The following ACIN1 variants were observed in gnomAD, a reference collection of about 807,000 sequenced individuals.
ACIN1 encodes apoptotic chromatin condensation inducer in the nucleus.
ACIN1 carries 16 observed loss-of-function variants against 146.6 expected under a neutral mutation model. The ratio of observed to expected loss-of-function variants is 0.11; its 90% CI spans 0.07 to 0.17. The LOEUF is 0.17. Among genes scored for constraint, ACIN1 ranks in the 10% least tolerant of loss-of-function variants. ACIN1 has a pLI of 1.00. For synonymous variants in ACIN1, 569 were observed against 582.7 expected (o/e 0.98, Z 0.34); for missense variants, 1,357 against 1,609.3 (o/e 0.84, Z 2.68).
At chr14:23,064,290 TG>T in intron 11 of ACIN1, 33 bp from the exon 12 acceptor site, 1 of 1,614,008 alleles carries the variant, frequency 6.2e-7, no homozygotes, top group Non-Finnish European at 8.5e-7. Context: ...CCCGTTACAC[TG>T]GGCCCATGTC....
intron 1 of ACIN1, 95 bp downstream of exon 1, chr14:23,094,880 C>T (rs1192834096): frequency 6.8e-7 from 1 of 1,478,948 alleles, no homozygotes; most frequent in African/African-American, 1.4e-5. Context: ...TGAGCGAGCT[C>T]GCGCCGAGCC....
intron 4 of ACIN1, among the ~76,000 whole-genome samples, chr14:23,083,134 A>C (rs536972935): frequency 6.6e-6 from 1 of 152,212 alleles, no homozygotes; most frequent in Admixed American, 6.5e-5. Flanking sequence ...AAATCCATGT[A>C]AAACGGAAAG....
intron 7 of ACIN1, 114 bp from the exon 8 acceptor site, chr14:23,078,380 C>G: frequency 1.4e-6 from 1 of 718,992 alleles, no homozygotes. Context: ...ACCAGCTCCA[C>G]ACACGGCCCT....
At chr14:23,060,762 C>A (rs970466069) in intron 18 of ACIN1, among the ~76,000 whole-genome samples, 4 of 152,108 alleles carry the variant, frequency 2.6e-5, no homozygotes, top group African/African-American at 9.7e-5. Context: ...CCACCCGACT[C>A]GGCCTCCCAA....
rs562921217 is a variant in ACIN1 at position 23,094,789 on chromosome 14, C to A, written c.138+186G>T. 5 of 927,286 alleles carry A rather than the reference C, an allele frequency of 5.4e-6. No homozygotes were observed. The Admixed American group carries it at 1.2e-4, about 22-fold the overall frequency. The allele number at this position is 927,286 out of a possible 1,614,324, so 57.4% of individuals were successfully genotyped here. On this transcript the variant is annotated intron_variant, in intron 1 of 18. Transcript: ENST00000605057. ...TGGGCTCGCGCTGCTGCCGTTAAGG[C>A]GGGAACCGGCGCGATCTCCATTCCA...
rs2047536034 is a variant in ACIN1, at chr14:23,068,802, C to T, written c.2265+674G>A. 1 of 985,452 alleles carries T rather than the reference C, an allele frequency of 1.0e-6. No homozygotes were observed. The highest frequency in any genetic ancestry group is 1.7e-5 in the African/African-American group (1 of 57,340). The allele number at this position is 985,452 out of a possible 1,614,324, so 61.0% of individuals were successfully genotyped here. On this transcript the variant is annotated intron_variant, in intron 9 of 18. Coordinates refer to ENST00000605057, the MANE Select transcript of ACIN1 (RefSeq NM_001386863.1). This position sits in a 1 kb window ranked among gnomAD's most constrained non-coding sequence, Gnocchi z 4.3. ...CTACACACACAACAGTCCCTCCCAC[C>T]TTGTTACCCCTCTCCTAAACCCAGC...
chr14:23,092,329 G>C, intron 2 of ACIN1, among the ~76,000 whole-genome samples: 1 of 152,210 alleles, frequency 6.6e-6, no homozygotes, highest in East Asian at 1.9e-4. Context: ...CATTGTTGAA[G>C]GGTGGGTTGC....
At chr14:23,090,914 T>A (rs1296211815) in intron 2 of ACIN1, among the ~76,000 whole-genome samples, 2 of 152,354 alleles carry the variant, frequency 1.3e-5, no homozygotes, top group East Asian at 3.9e-4. Flanking sequence ...TTCTTTATTT[T>A]TATTTTTTGA....
At chr14:23,071,548 G>A (rs1347496683) in intron 8 of ACIN1, 1 of 1,550,714 alleles carries the variant, frequency 6.4e-7, no homozygotes, top group Non-Finnish European at 8.7e-7. Flanking sequence ...GACATGCAGG[G>A]GAGCCATCTT....
chr14:23,081,986 GA>G (rs1359100613), intron 4 of ACIN1, 150 bp from the exon 5 acceptor site: 10 of 574,770 alleles, frequency 1.7e-5, no homozygotes, highest in Non-Finnish European at 3.0e-5. Context: ...CTACACTAAA[GA>G]AAAGACTACA....
chr14:23,078,323 T>A, intron 7 of ACIN1, 57 bp from the exon 8 acceptor site: 1 of 1,526,218 alleles, frequency 6.6e-7, no homozygotes, highest in South Asian at 1.1e-5. Context: ...CTTGGTTCCT[T>A]TTCTTCTACC....
Position 23,083,047 on chromosome 14 carries a change from AT to A in ACIN1, c.437-1212del, listed in dbSNP as rs774833666. 6.8e-3 allele frequency among the ~76,000 whole-genome samples: 960 copies of A among 140,588 alleles called. 3 individuals are homozygous for A. The highest frequency in any genetic ancestry group is 9.7e-3 in the Non-Finnish European group (627 of 64,466). The allele number at this position is 140,588 out of a possible 152,430, so 92.2% of individuals were successfully genotyped here. On this transcript the variant is annotated intron_variant, in intron 4 of 18. Coordinates refer to ENST00000605057, the MANE Select transcript of ACIN1 (RefSeq NM_001386863.1). ...AGTCACCGCACCCGGACTAGGTGAG[AT>A]TTTTTTTTTTTTTAAGGAAAAAAAA...
chr14:23,078,234 T>A lies in ACIN1; in HGVS notation c.2040A>T (p.Ala680=). Residue 680 remains alanine (A), a synonymous_variant, in exon 8 of 19, where the codon GCA becomes GCT. Coordinates refer to ENST00000605057, the MANE Select transcript of ACIN1 (RefSeq NM_001386863.1). ...GSPKKCEAEE[A]EPPAATQPQT... is the part of the protein sequence containing the mutation. The stretch of plus-strand genomic sequence containing the variant: ...GGGGCTGTGTGGCAGCTGGTGGCTC[T>A]GCCTCTTCAGCTTCACACTTCTTTG... The A allele has an allele frequency of 6.2e-7, 1 of 1,614,204 alleles. No homozygotes were observed. Among genetic ancestry groups the A allele is most frequent in the South Asian group, 1.1e-5 (1 of 91,084 alleles).
chr14:23,086,005 T>C (rs2048082154), intron 4 of ACIN1, among the ~76,000 whole-genome samples: 1 of 152,196 alleles, frequency 6.6e-6, no homozygotes, highest in African/African-American at 2.4e-5. Context: ...ATAGAGGAAA[T>C]AGTTCTTCAT....
chr14:23,061,824 A>G (rs376558351), intron 16 of ACIN1, among the ~76,000 whole-genome samples: 2 of 151,878 alleles, frequency 1.3e-5, no homozygotes, highest in East Asian at 3.9e-4. Context: ...ATACAAAAAA[A>G]TTAGCCGGGC....
intron 18 of ACIN1, among the ~76,000 whole-genome samples, chr14:23,060,855 A>G (rs2047256690): frequency 6.6e-6 from 1 of 152,244 alleles, no homozygotes; most frequent in African/African-American, 2.4e-5. Context: ...CCAGCTTCCC[A>G]GACATCCACA....
chr14:23,079,055 C>G lies in ACIN1; in HGVS notation c.1789-17G>C. The G allele has an allele frequency of 6.2e-7, 1 of 1,607,050 alleles. No homozygotes were observed. The highest frequency in any genetic ancestry group is 8.5e-7 in the Non-Finnish European group (1 of 1,175,788). On this transcript the variant is annotated splice_polypyrimidine_tract_variant and intron_variant, in intron 6 of 18. Transcript: ENST00000605057. ...GCTCAGAGACTAAAACAAAATGAAA[C>G]ACATAACAAGGAAAATTATTGTATA...
chr14:23,089,939 C>G, intron 4 of ACIN1, 43 bp downstream of exon 4: 1 of 1,540,000 alleles, frequency 6.5e-7, no homozygotes. Flanking sequence ...CCACCAACTA[C>G]GCAGGATTGA....
chr14:23,067,372 G>A lies in ACIN1; in HGVS notation c.2266-1364C>T, dbSNP rs1594751510. On this transcript the variant is annotated intron_variant, in intron 9 of 18. Coordinates refer to ENST00000605057, the MANE Select transcript of ACIN1 (RefSeq NM_001386863.1). The surrounding 1 kb of genome is among the most constrained non-coding windows in gnomAD (Gnocchi z 4.6). Reference sequence around the variant, plus strand: ...TGTGTACTGTATCTAGTCAACCGCCGGTCCAATCAGAATGAGCCCTCCCTG... The same window carrying A: ...TGTGTACTGTATCTAGTCAACCGCCAGTCCAATCAGAATGAGCCCTCCCTG... 1.0e-6 allele frequency: 1 copy of A among 985,744 alleles called. No individual in the cohort carries two copies. Among genetic ancestry groups the A allele is most frequent in the Non-Finnish European group, 1.2e-6 (1 of 829,944 alleles). 61.1% of individuals were successfully genotyped at this position (985,744 alleles called of 1,614,324 possible).
Sources: gnomAD v4.1 joint callset for allele counts (sites outside exome capture counted in the v4.1 genomes callset) on GRCh38, gnomAD v4.1.1 for gene constraint, Gnocchi (gnomAD v3.1) non-coding constraint, MANE v1.5 for transcripts, NCBI Gene and HGNC (gene_info 2026-07-23, HGNC 2026-07-21) for gene names.